Variants in ELAPOR1 observed in about 807,000 individuals in gnomAD.
The protein encoded by ELAPOR1 is endosome/lysosome-associated apoptosis and autophagy regulator 1.
In ELAPOR1, 77 loss-of-function variants were observed where a neutral mutation model predicts 119.7. The observed-to-expected ratio is 0.64, with a 90% CI of 0.54 to 0.78. ELAPOR1 has a LOEUF of 0.78. Among genes scored for constraint, ELAPOR1 ranks in the 30% least tolerant of loss-of-function variants. The pLI is 0.00. For synonymous variants in ELAPOR1, 481 were observed against 487.2 expected (o/e 0.99, Z 0.17); for missense variants, 1,115 against 1,270.4 (o/e 0.88, Z 1.86).
At chr1:109,188,978 G>A in intron 9 of ELAPOR1, 88 bp from the exon 10 acceptor site, 1 of 1,535,672 alleles carries the variant, frequency 6.5e-7, no homozygotes, top group Non-Finnish European at 8.9e-7. Context: ...GCCCGCTACT[G>A]TTGCAACTTG....
At chr1:109,114,468 G>A (rs1647849484) in intron 1 of ELAPOR1, 132 bp downstream of exon 1, 2 of 1,123,296 alleles carry the variant, frequency 1.8e-6, no homozygotes, top group South Asian at 3.3e-5. Flanking sequence ...GAGGCGTGGG[G>A]GGAGGGAAGA....
chr1:109,165,718 C>T (rs1485749507), intron 3 of ELAPOR1, among the ~76,000 whole-genome samples: 4 of 151,560 alleles, frequency 2.6e-5, no homozygotes, highest in African/African-American at 7.3e-5. Flanking sequence ...GGTATCTTCC[C>T]GGCTTGGGTG....
At chr1:109,199,079 G>A (rs1654004945) in intron 18 of ELAPOR1, among the ~76,000 whole-genome samples, 1 of 152,206 alleles carries the variant, frequency 6.6e-6, no homozygotes, top group African/African-American at 2.4e-5. Context: ...GATTAAATGA[G>A]ACAAGGAGAC....
rs543947424 is a variant in ELAPOR1 at position 109,145,403 on chromosome 1, C to T, written c.154-16491C>T. 3.9e-4 allele frequency among the ~76,000 whole-genome samples: 59 copies of T among 152,254 alleles called. No individual in the cohort carries two copies. The South Asian group carries it at 3.9e-3, about 10-fold the overall frequency. On this transcript the variant is annotated intron_variant, in intron 1 of 21. Transcript: ENST00000369939. ...GGGCACAGTGGCTCATGCCTATAAT[C>T]CCAGCACTTTGGGAGGCCGAGATGG...
At chr1:109,173,393 T>A in intron 5 of ELAPOR1, 81 bp from the exon 6 acceptor site, 1 of 1,138,406 alleles carries the variant, frequency 8.8e-7, no homozygotes, top group Non-Finnish European at 1.3e-6. Flanking sequence ...GTAAGAGAAG[T>A]CATCCCAACA....
chr1:109,144,061 A>ATATATATTTTTTTTTTTTTTTTTTTT, intron 1 of ELAPOR1, among the ~76,000 whole-genome samples: 7 of 88,990 alleles, frequency 7.9e-5, no homozygotes, highest in African/African-American at 2.9e-4. Context: ...ATATTTATAT[A>ATATATATTTTTTTTTTTTTTTTTTTT]TTTTTTTTTT....
intron 2 of ELAPOR1, 135 bp from the exon 3 acceptor site, chr1:109,164,364 C>A: frequency 1.5e-6 from 1 of 681,520 alleles, no homozygotes; most frequent in Non-Finnish European, 2.5e-6. Flanking sequence ...ACAGTAAATG[C>A]CATGGCCCTA....
At position 109,200,920 on chromosome 1, in the gene ELAPOR1, C is replaced by T. The variant is rs1463553130; in HGVS notation, c.2973+20C>T. ...TCCAAGGTAGGGGTCCTGGCCAGTGCACTGAGGTCAGCCTGGAGGGCTGGA... is the reference window on the plus strand; with the variant it reads ...TCCAAGGTAGGGGTCCTGGCCAGTGTACTGAGGTCAGCCTGGAGGGCTGGA... On this transcript the variant is annotated intron_variant, in intron 21 of 21. Transcript: ENST00000369939. 1 of 1,608,444 alleles carries T rather than the reference C, an allele frequency of 6.2e-7. No individual in the cohort carries two copies. Among genetic ancestry groups the T allele is most frequent in the South Asian group, 1.1e-5 (1 of 90,092 alleles).
At position 109,204,431 on chromosome 1, in the gene ELAPOR1, A is replaced by C. The variant is rs989450850; in HGVS notation, c.*1419A>C. The C allele has an allele frequency of 6.6e-6, 1 of 152,220 alleles. No homozygotes were observed. The highest frequency in any genetic ancestry group is 2.4e-5 in the African/African-American group (1 of 41,446). The allele number at this position is 152,220 out of a possible 1,614,324, so 9.4% of individuals were successfully genotyped here. Reference sequence around the variant, plus strand: ...CCCCAAACCCAGATGTTCCAGCCTTATCCTCTGTTGGGTTTACCCACAGAC... The same window carrying C: ...CCCCAAACCCAGATGTTCCAGCCTTCTCCTCTGTTGGGTTTACCCACAGAC... On this transcript the variant is annotated 3_prime_UTR_variant, in exon 22 of 22. Coordinates refer to ENST00000369939, the MANE Select transcript of ELAPOR1 (RefSeq NM_020775.5).
intron 3 of ELAPOR1, among the ~76,000 whole-genome samples, chr1:109,169,202 G>T (rs916078954): frequency 6.6e-6 from 1 of 152,100 alleles, no homozygotes. Flanking sequence ...AAACACAGGG[G>T]GAAATCTGTG....
Position 109,191,374 on chromosome 1 carries a change from A to C in ELAPOR1, c.1448A>C (p.Gln483Pro). ...AATTTCTGCCCCTACAGACCTCCGCAGTCGGTGATGGCAGACACAGAGAAT... is the reference window on the plus strand; with the variant it reads ...AATTTCTGCCCCTACAGACCTCCGCCGTCGGTGATGGCAGACACAGAGAAT... ...TLVVPGFRPP[Q>P]SVMADTENKE... is the part of the protein sequence containing the mutation. The change falls in exon 12 of 22, where the codon CAG becomes CCG. Residue 483 changes from glutamine (Q) to proline (P), a missense_variant. Physicochemically the swap from Gln to Pro is moderately conservative, Grantham distance 76. Transcript: ENST00000369939. 1 of 1,613,642 alleles carries C rather than the reference A, an allele frequency of 6.2e-7. No homozygotes were observed. Among genetic ancestry groups the C allele is most frequent in the South Asian group, 1.1e-5 (1 of 91,078 alleles).
At position 109,173,741 on chromosome 1, in the gene ELAPOR1, A is replaced by G. The variant is rs1451556772; in HGVS notation, c.856A>G (p.Lys286Glu). The change falls in exon 7 of 22, where the codon AAG becomes GAG. Residue 286 changes from lysine (K) to glutamate (E), a missense_variant. Lys to Glu is a moderately conservative substitution (Grantham distance 56). Coordinates refer to ENST00000369939, the MANE Select transcript of ELAPOR1 (RefSeq NM_020775.5). ...FPCKPGTYAD[K>E]QGSSFCKLCP... ...CTGCAAACCTGGCACGTATGCAGAC[A>G]AGCAGGGCTCCTCTTTCTGCAAACT... is the stretch of plus-strand genomic sequence containing the variant. The G allele has an allele frequency of 1.2e-6, 2 of 1,614,166 alleles. No homozygotes were observed. Among genetic ancestry groups the G allele is most frequent in the Middle Eastern group, 1.7e-4 (1 of 6,060 alleles).
intron 1 of ELAPOR1, among the ~76,000 whole-genome samples, chr1:109,130,812 C>A (rs374069949): frequency 5.9e-5 from 9 of 152,244 alleles, no homozygotes; most frequent in African/African-American, 2.2e-4. Flanking sequence ...TAACAAATTA[C>A]CCTAAAACTT....
At chr1:109,114,463 G>C in intron 1 of ELAPOR1, 127 bp downstream of exon 1, 1 of 1,149,290 alleles carries the variant, frequency 8.7e-7, no homozygotes, top group Non-Finnish European at 1.2e-6. Context: ...GGGATGAGGC[G>C]TGGGGGGAGG....
At chr1:109,146,188 C>T (rs34487283) in intron 1 of ELAPOR1, among the ~76,000 whole-genome samples, 12,825 of 151,840 alleles carry the variant, frequency 0.084, 669 homozygotes, top group Middle Eastern at 0.16. Flanking sequence ...GGCATGGGGG[C>T]GCATGCCTAT....
intron 8 of ELAPOR1, among the ~76,000 whole-genome samples, chr1:109,185,495 T>C (rs1652990915): frequency 6.6e-6 from 1 of 152,310 alleles, no homozygotes; most frequent in East Asian, 1.9e-4. Context: ...CCCTCGGCAC[T>C]GTTTTGTGGG....
intron 1 of ELAPOR1, among the ~76,000 whole-genome samples, chr1:109,126,557 G>A (rs964151633): frequency 4.6e-5 from 7 of 151,820 alleles, no homozygotes; most frequent in Non-Finnish European, 8.8e-5. Flanking sequence ...TGCAACATTC[G>A]CCTCCTGGGT....
chr1:109,143,201 T>A (rs1326351575), intron 1 of ELAPOR1, among the ~76,000 whole-genome samples: 2 of 152,136 alleles, frequency 1.3e-5, no homozygotes, highest in African/African-American at 4.8e-5. Flanking sequence ...CCACCCGCCT[T>A]GGCCTCCCAA....
intron 20 of ELAPOR1, 124 bp from the exon 21 acceptor site, chr1:109,200,611 C>A: frequency 1.1e-6 from 1 of 874,422 alleles, no homozygotes; most frequent in Non-Finnish European, 1.7e-6. Context: ...CACCATTTTA[C>A]CATGCTTCAG....
Sources: allele counts gnomAD v4.1 joint callset (sites outside exome capture counted in the v4.1 genomes callset), GRCh38; gene constraint gnomAD v4.1.1; transcripts MANE v1.5; gene names NCBI Gene and HGNC (gene_info 2026-07-23, HGNC 2026-07-21).